PRKN: variants seen among roughly 807,000 people sequenced by gnomAD.
PRKN encodes the protein parkin RBR E3 ubiquitin protein ligase.
PRKN carries 56 observed loss-of-function variants against 59.5 expected under a neutral mutation model. That is an observed-to-expected ratio of 0.94 (90% CI 0.76 to 1.18). The LOEUF (loss-of-function observed/expected upper bound fraction) is 1.18. PRKN is among the 50% of genes most tolerant of loss of function. The probability of loss-of-function intolerance (pLI) is 0.00; values close to 1 mark genes in which losing one functional copy is unlikely to be tolerated. For synonymous variants in PRKN, 250 were observed against 222.1 expected (o/e 1.13, Z -1.12); for missense variants, 657 against 596.4 (o/e 1.10, Z -1.06).
intron 1 of PRKN, among the ~76,000 whole-genome samples, chr6:162,490,712 T>C (rs917142546): frequency 1.3e-5 from 2 of 152,168 alleles, no homozygotes; most frequent in African/African-American, 4.8e-5. Context: ...ATTTCGTGAA[T>C]GGACAACTTT....
At chr6:162,663,222 A>C (rs1035638115) in intron 1 of PRKN, among the ~76,000 whole-genome samples, 2 of 152,182 alleles carry the variant, frequency 1.3e-5, no homozygotes, top group Admixed American at 1.3e-4. Flanking sequence ...TCCAATGCTC[A>C]CAATAACCCT....
intron 7 of PRKN, among the ~76,000 whole-genome samples, chr6:161,671,921 T>A (rs1245786162): frequency 6.6e-6 from 1 of 152,184 alleles, no homozygotes; most frequent in African/African-American, 2.4e-5. Context: ...CAGACTAATA[T>A]AAAGTTCTGC....
chr6:162,217,960 T>A (rs1010506196), intron 3 of PRKN, among the ~76,000 whole-genome samples: 4 of 152,050 alleles, frequency 2.6e-5, no homozygotes, highest in Non-Finnish European at 5.9e-5. Flanking sequence ...TCTGGCAGGA[T>A]CTCTATGCAA....
At chr6:162,513,938 T>C (rs9456784) in intron 1 of PRKN, among the ~76,000 whole-genome samples, 58,388 of 151,442 alleles carry the variant, frequency 0.39, 11,592 homozygotes, top group South Asian at 0.57. Flanking sequence ...CCCAGCTACG[T>C]GGGAGGCTGA....
In PRKN at chr6:161,547,940, C is replaced by G. The variant is rs1168123096; in HGVS notation, c.1083+914G>C. 6.6e-6 allele frequency among the ~76,000 whole-genome samples: 1 copy of G among 152,184 alleles called. No homozygotes were observed. Among genetic ancestry groups the G allele is most frequent in the African/African-American group, 2.4e-5 (1 of 41,448 alleles). ...GCCCCACTGCATGACATACAGGAAG[C>G]TTTACTAAGGGGAACCAATGCTAAT... On this transcript the variant is annotated intron_variant, in intron 9 of 11. Coordinates refer to ENST00000366898, the MANE Select transcript of PRKN (RefSeq NM_004562.3). This position sits in a 1 kb window ranked among gnomAD's most constrained non-coding sequence, Gnocchi z 4.0.
intron 1 of PRKN, among the ~76,000 whole-genome samples, chr6:162,472,840 T>C (rs2128179067): frequency 6.7e-6 from 1 of 148,430 alleles, no homozygotes; most frequent in East Asian, 2.2e-4. Context: ...TGAACAAATA[T>C]TTCCGAAGCT....
At chr6:161,854,139 C>T (rs531775294) in intron 6 of PRKN, among the ~76,000 whole-genome samples, 73 of 150,608 alleles carry the variant, frequency 4.8e-4, no homozygotes, top group African/African-American at 1.7e-3. Flanking sequence ...CCTGTAATCC[C>T]AGCTACCCAG....
At chr6:162,283,783 A>C (rs1459553090) in intron 2 of PRKN, among the ~76,000 whole-genome samples, 1 of 152,142 alleles carries the variant, frequency 6.6e-6, no homozygotes, top group Non-Finnish European at 1.5e-5. Flanking sequence ...AGCTTCCCAA[A>C]GTGCTGGGAT....
At chr6:162,608,975 C>T (rs559029222) in intron 1 of PRKN, among the ~76,000 whole-genome samples, 44 of 152,250 alleles carry the variant, frequency 2.9e-4, no homozygotes, top group African/African-American at 1.0e-3. Flanking sequence ...GAGCAAAGGC[C>T]TCGCCTCTCT....
chr6:161,681,269 T>C (rs1378441969), intron 7 of PRKN, among the ~76,000 whole-genome samples: 3 of 152,148 alleles, frequency 2.0e-5, no homozygotes, highest in African/African-American at 4.8e-5. Context: ...GCCTTGTTAA[T>C]AGGTTTTTAA....
chr6:162,692,919 A>G (rs1319003955), intron 1 of PRKN, among the ~76,000 whole-genome samples: 1 of 152,112 alleles, frequency 6.6e-6, no homozygotes, highest in African/African-American at 2.4e-5. Context: ...AACCAGCCTT[A>G]TTATCTGACT....
At chr6:162,331,166 TAAA>T (rs34916695) in intron 2 of PRKN, among the ~76,000 whole-genome samples, 2 of 141,474 alleles carry the variant, frequency 1.4e-5, no homozygotes. Flanking sequence ...CCATCTCTAT[TAAA>T]AAAAAAAAAA....
At chr6:162,341,793 A>T (rs1013808564) in intron 2 of PRKN, among the ~76,000 whole-genome samples, 1 of 152,032 alleles carries the variant, frequency 6.6e-6, no homozygotes, top group African/African-American at 2.4e-5. Flanking sequence ...CATTAGGAGA[A>T]ATACCTAATG....
chr6:162,145,183 A>T (rs1335407640), intron 4 of PRKN, among the ~76,000 whole-genome samples: 2 of 152,200 alleles, frequency 1.3e-5, no homozygotes, highest in African/African-American at 4.8e-5. Flanking sequence ...GTGTGTAGAC[A>T]TACAAGCAAT....
At position 161,569,534 on chromosome 6, in the gene PRKN, G is replaced by A. The variant is rs75227690; in HGVS notation, c.872-118C>T. On this transcript the variant is annotated intron_variant, in intron 7 of 11. Coordinates refer to ENST00000366898, the MANE Select transcript of PRKN (RefSeq NM_004562.3). ...TTGCCTTTTGGGAGGACACAGACGTGTACCTGAAAAACACACATCTAACCA... is the reference window on the plus strand; with the variant it reads ...TTGCCTTTTGGGAGGACACAGACGTATACCTGAAAAACACACATCTAACCA... 76 of 866,442 alleles carry A rather than the reference G, an allele frequency of 8.8e-5. No individual in the cohort carries two copies. In the African/African-American group the frequency reaches 1.0e-3, roughly 12 times the overall value. 53.7% of individuals were successfully genotyped at this position (866,442 alleles called of 1,614,324 possible).
At chr6:162,488,183 T>C (rs576327193) in intron 1 of PRKN, among the ~76,000 whole-genome samples, 1 of 152,216 alleles carries the variant, frequency 6.6e-6, no homozygotes, top group East Asian at 1.9e-4. Flanking sequence ...GAAGGAAGAA[T>C]TCCTGTTACT....
chr6:161,800,722 C>T (rs1191257959), intron 6 of PRKN, among the ~76,000 whole-genome samples: 5 of 152,022 alleles, frequency 3.3e-5, no homozygotes, highest in Admixed American at 1.3e-4. Flanking sequence ...CACTGGGGGA[C>T]AAAAGTGGGA....
intron 1 of PRKN, among the ~76,000 whole-genome samples, chr6:162,681,071 GT>G (rs66593017): frequency 0.32 from 48,293 of 151,918 alleles, 8,539 homozygotes; most frequent in Non-Finnish European, 0.41. Context: ...TTTCACACGT[GT>G]TTTTGAAAAA....
At chr6:162,701,852 CACAT>C (rs1428136419) in intron 1 of PRKN, among the ~76,000 whole-genome samples, 2 of 125,430 alleles carry the variant, frequency 1.6e-5, no homozygotes, top group African/African-American at 6.4e-5. Context: ...CACACACACT[CACAT>C]ACATACATAC....
Sources: allele counts gnomAD v4.1 joint callset (sites outside exome capture counted in the v4.1 genomes callset), GRCh38; gene constraint gnomAD v4.1.1; non-coding constraint Gnocchi (gnomAD v3.1); transcripts MANE v1.5; gene names NCBI Gene and HGNC (gene_info 2026-07-23, HGNC 2026-07-21).